GLIS1: variants seen among roughly 807,000 people sequenced by gnomAD.
GLIS1 encodes zinc finger protein GLIS1.
In GLIS1, 24 loss-of-function variants were observed where a neutral mutation model predicts 63.8. The observed-to-expected ratio is 0.38, with a 90% CI of 0.27 to 0.53. GLIS1 has a LOEUF of 0.53. GLIS1 is among the 20% of genes least tolerant of loss of function. GLIS1 has a pLI of 0.85. For synonymous variants in GLIS1, 450 were observed against 482.5 expected (o/e 0.93, Z 0.88); for missense variants, 1,036 against 1,074.1 (o/e 0.96, Z 0.50).
Position 53,576,348 on chromosome 1 carries a change from C to A in GLIS1, c.1320+17760G>T, listed in dbSNP as rs571500128. Among the ~76,000 whole-genome samples, 3 of 152,308 alleles carry A rather than the reference C, an allele frequency of 2.0e-5. No individual in the cohort carries two copies. The South Asian group carries it at 6.2e-4, about 32-fold the overall frequency. On this transcript the variant is annotated intron_variant, in intron 4 of 10. Coordinates refer to ENST00000628545, the MANE Select transcript of GLIS1 (RefSeq NM_001367484.1). ...AGCACTAGCTGTGTGACCAAGCATA[C>A]GTGACTTAACTTTGCTGTGTCCCAT...
chr1:53,507,263 C>T (rs532978613), intron 10 of GLIS1, among the ~76,000 whole-genome samples: 12 of 152,340 alleles, frequency 7.9e-5, no homozygotes, highest in East Asian at 5.8e-4. Flanking sequence ...TGCCTCGCTT[C>T]GGCTCCACAA....
chr1:53,664,806 C>T (rs979480097), intron 2 of GLIS1, among the ~76,000 whole-genome samples: 35 of 152,110 alleles, frequency 2.3e-4, no homozygotes, highest in Admixed American at 2.1e-3. Flanking sequence ...GGTGGCTGAG[C>T]GAAGACCTGA....
At chr1:53,605,019 T>C (rs1455764422) in intron 2 of GLIS1, among the ~76,000 whole-genome samples, 1 of 100,290 alleles carries the variant, frequency 1.0e-5, no homozygotes, top group Admixed American at 1.2e-4. Flanking sequence ...GAAAAACAGA[T>C]TGCTGGCTCC....
Position 53,574,259 on chromosome 1 carries a change from C to G in GLIS1, c.1320+19849G>C, listed in dbSNP as rs1174294818. ...TTTGGTCAGCTTCCCCTGCCACTGC[C>G]CCATCCAGCCTGCCTTCACCTCAGG... On this transcript the variant is annotated intron_variant, in intron 4 of 10. Coordinates refer to ENST00000628545, the MANE Select transcript of GLIS1 (RefSeq NM_001367484.1). The surrounding 1 kb of genome is among the most constrained non-coding windows in gnomAD (Gnocchi z 4.2). Among the ~76,000 whole-genome samples the G allele has an allele frequency of 2.0e-5, 3 of 152,324 alleles. No individual in the cohort carries two copies. In the East Asian group the frequency reaches 5.8e-4, roughly 29 times the overall value.
At chr1:53,683,345 G>A (rs971263661) in intron 2 of GLIS1, among the ~76,000 whole-genome samples, 1 of 7,502 alleles carries the variant, frequency 1.3e-4, no homozygotes, top group African/African-American at 1.4e-4. Context: ...CCCAGAGCCT[G>A]AGCCCCCCCA....
rs1254871735 is a variant in GLIS1 at position 53,506,359 on chromosome 1, G to C, written c.*260C>G. 1 of 487,792 alleles carries C rather than the reference G, an allele frequency of 2.1e-6. No individual in the cohort carries two copies. The highest frequency in any genetic ancestry group is 1.9e-5 in the African/African-American group (1 of 52,358). 30.2% of individuals were successfully genotyped at this position (487,792 alleles called of 1,614,324 possible). On this transcript the variant is annotated 3_prime_UTR_variant, in exon 11 of 11. Transcript: ENST00000628545. ...GTCTGTGATTTCAAAACCACTGCGG[G>C]GAGGAACGGGAAGACAAGATCGAGG... is the stretch of plus-strand genomic sequence containing the variant.
At chr1:53,717,111 A>T (rs575067205) in intron 2 of GLIS1, among the ~76,000 whole-genome samples, 23 of 152,340 alleles carry the variant, frequency 1.5e-4, no homozygotes, top group Non-Finnish European at 2.9e-4. Context: ...AATTCTTAAC[A>T]GGATCCGTCC....
chr1:53,670,517 T>C (rs1415548799), intron 2 of GLIS1, among the ~76,000 whole-genome samples: 2 of 152,242 alleles, frequency 1.3e-5, no homozygotes, highest in African/African-American at 2.4e-5. Context: ...TACAAATTTA[T>C]AGTTTTCACA....
chr1:53,522,980 T>TC (rs1406319814), intron 6 of GLIS1, among the ~76,000 whole-genome samples: 1 of 25,850 alleles, frequency 3.9e-5, no homozygotes, highest in Non-Finnish European at 6.4e-5. Flanking sequence ...TTCTTTTCTT[T>TC]TCTTTCTTTT....
At chr1:53,630,031 AT>A (rs1401844938) in intron 2 of GLIS1, among the ~76,000 whole-genome samples, 2 of 152,176 alleles carry the variant, frequency 1.3e-5, no homozygotes, top group Admixed American at 1.3e-4. Context: ...TGATATATTC[AT>A]TTTTTCACTA....
At chr1:53,514,101 G>C (rs1233754065) in intron 8 of GLIS1, among the ~76,000 whole-genome samples, 3 of 152,260 alleles carry the variant, frequency 2.0e-5, no homozygotes, top group Non-Finnish European at 4.4e-5. Context: ...TGCAGGAAGA[G>C]GCTGCCCCTC....
chr1:53,540,570 C>G (rs936555641), intron 4 of GLIS1, among the ~76,000 whole-genome samples: 3 of 152,158 alleles, frequency 2.0e-5, no homozygotes, highest in Non-Finnish European at 4.4e-5. Flanking sequence ...TAACATTAGT[C>G]CCCTTTTGGG....
At chr1:53,714,130 G>C (rs1253298698) in intron 2 of GLIS1, among the ~76,000 whole-genome samples, 2 of 152,222 alleles carry the variant, frequency 1.3e-5, no homozygotes, top group Admixed American at 6.5e-5. Context: ...ATACAAACAA[G>C]GTCCAAAGTT....
At chr1:53,734,248 A>G (rs1294536887) in intron 2 of GLIS1, 1 of 966,074 alleles carries the variant, frequency 1.0e-6, no homozygotes, top group East Asian at 1.1e-4. Context: ...TGACCTCATT[A>G]TCTGGTTTGG....
At chr1:53,543,495 C>T (rs1278631267) in intron 4 of GLIS1, among the ~76,000 whole-genome samples, 4 of 151,932 alleles carry the variant, frequency 2.6e-5, no homozygotes, top group African/African-American at 9.7e-5. Context: ...AGGAATGAGC[C>T]CAGGGCTGTC....
intron 2 of GLIS1, among the ~76,000 whole-genome samples, chr1:53,632,859 G>A (rs1410336922): frequency 6.7e-6 from 1 of 149,958 alleles, no homozygotes; most frequent in African/African-American, 2.5e-5. Context: ...GTATGTGACC[G>A]AGAGGCATGT....
chr1:53,700,703 C>T (rs907237577), intron 2 of GLIS1, among the ~76,000 whole-genome samples: 2 of 152,146 alleles, frequency 1.3e-5, no homozygotes, highest in Non-Finnish European at 2.9e-5. Flanking sequence ...GAGGTGTGCA[C>T]CCATCACCAC....
chr1:53,678,496 A>G (rs1646240228), intron 2 of GLIS1, among the ~76,000 whole-genome samples: 1 of 151,976 alleles, frequency 6.6e-6, no homozygotes. Context: ...TAGCACCAAC[A>G]ATATTTTCTA....
chr1:53,612,369 A>T (rs1195730861), intron 2 of GLIS1, among the ~76,000 whole-genome samples: 1 of 151,982 alleles, frequency 6.6e-6, no homozygotes, highest in Admixed American at 6.6e-5. Context: ...CCTCCTAAGT[A>T]GCTGGGACTA....
Sources: allele counts gnomAD v4.1 joint callset (sites outside exome capture counted in the v4.1 genomes callset), GRCh38; gene constraint gnomAD v4.1.1; non-coding constraint Gnocchi (gnomAD v3.1); transcripts MANE v1.5; gene names NCBI Gene and HGNC (gene_info 2026-07-23, HGNC 2026-07-21).